ELOVL4: variants seen among roughly 807,000 people sequenced by gnomAD.
The protein encoded by ELOVL4 is very long chain fatty acid elongase 4.
Under a neutral mutation model 42.1 loss-of-function variants are expected in ELOVL4, and 18 were observed. The observed-to-expected ratio is 0.43, with a 90% CI of 0.30 to 0.63. ELOVL4 has a LOEUF of 0.63. Ranked by LOEUF, ELOVL4 falls within the 30% of genes least tolerant of loss-of-function variation. The pLI is 0.15. For missense variants in ELOVL4, 299 were observed against 376.2 expected (o/e 0.79, Z 1.70); for synonymous variants, 117 against 127.0 (o/e 0.92, Z 0.53).
Position 79,916,525 on chromosome 6 carries a change from T to G in ELOVL4, c.*83A>C. 6.4e-7 allele frequency: 1 copy of G among 1,558,480 alleles called. No homozygotes were observed. Among genetic ancestry groups the G allele is most frequent in the Non-Finnish European group, 8.8e-7 (1 of 1,134,456 alleles). ...GTCTTTTCTCCCCACCCCCAAGCTC[T>G]CCTTTGCTTCTGTTTTCCCTGAAAT... On this transcript the variant is annotated 3_prime_UTR_variant, in exon 6 of 6. Transcript: ENST00000369816.
chr6:79,938,615 G>A lies in ELOVL4; in HGVS notation c.100+8565C>T, dbSNP rs148773285. On this transcript the variant is annotated intron_variant, in intron 1 of 5. Coordinates refer to ENST00000369816, the MANE Select transcript of ELOVL4 (RefSeq NM_022726.4). ...TAACCATCTTCTCAGGCTAAATATC[G>A]CATTTTGTATTCTACATATATTCAC... 4.3e-4 allele frequency among the ~76,000 whole-genome samples: 66 copies of A among 152,090 alleles called. No individual in the cohort carries two copies. In the East Asian group the frequency reaches 9.5e-3, roughly 22 times the overall value.
intron 1 of ELOVL4, among the ~76,000 whole-genome samples, chr6:79,927,446 A>G (rs1021006130): frequency 3.9e-5 from 6 of 152,168 alleles, no homozygotes; most frequent in Non-Finnish European, 8.8e-5. Context: ...ATTGTTGATC[A>G]TAATAACTCC....
At chr6:79,941,449 G>A (rs765834154) in intron 1 of ELOVL4, among the ~76,000 whole-genome samples, 17 of 152,142 alleles carry the variant, frequency 1.1e-4, no homozygotes, top group Non-Finnish European at 2.1e-4. Context: ...TATATGTCTT[G>A]GAATCTTCAT....
intron 1 of ELOVL4, among the ~76,000 whole-genome samples, chr6:79,932,638 C>T (rs892949103): frequency 2.0e-5 from 3 of 151,840 alleles, no homozygotes; most frequent in African/African-American, 7.3e-5. Context: ...TGATTTTTAT[C>T]TTAAGATCAC....
chr6:79,925,539 A>T lies in ELOVL4; in HGVS notation c.289-507T>A, dbSNP rs113979671. ...GTTCTCTGGCTTCATACAGAATTTT[A>T]ATGAGTCTCTTAGGAAACAAATTCT... On this transcript the variant is annotated intron_variant, in intron 2 of 5. Coordinates refer to ENST00000369816, the MANE Select transcript of ELOVL4 (RefSeq NM_022726.4). Among the ~76,000 whole-genome samples the T allele has an allele frequency of 4.7e-3, 712 of 152,326 alleles. 9 individuals are homozygous for T. Among genetic ancestry groups the T allele is most frequent in the African/African-American group, 0.016 (677 of 41,578 alleles).
At chr6:79,933,450 T>C (rs1255361954) in intron 1 of ELOVL4, among the ~76,000 whole-genome samples, 1 of 152,082 alleles carries the variant, frequency 6.6e-6, no homozygotes, top group South Asian at 2.1e-4. Flanking sequence ...AGGCTGGCCC[T>C]GAACCCCTGA....
Position 79,916,063 on chromosome 6 carries a change from TTACAACCAAAATTA to T in ELOVL4, c.*531_*544del, listed in dbSNP as rs1205144153. ...AGATCAGCAGATTTTAAAAATTTAA[TTACAACCAAAATTA>T]TACTCTGACTAGAGGTGGAGAGATT... On this transcript the variant is annotated 3_prime_UTR_variant, in exon 6 of 6. Transcript: ENST00000369816. 6.4e-6 allele frequency: 1 copy of T among 155,186 alleles called. No homozygotes were observed. Among genetic ancestry groups the T allele is most frequent in the Non-Finnish European group, 1.4e-5 (1 of 69,758 alleles). The allele number at this position is 155,186 out of a possible 1,614,324, so 9.6% of individuals were successfully genotyped here.
At chr6:79,926,816 T>G (rs934402476) in intron 1 of ELOVL4, among the ~76,000 whole-genome samples, 2 of 152,232 alleles carry the variant, frequency 1.3e-5, no homozygotes, top group African/African-American at 4.8e-5. Flanking sequence ...CAGGCAAGAA[T>G]GTAACTGGAG....
Position 79,916,338 on chromosome 6 carries a change from G to A in ELOVL4, c.*270C>T, listed in dbSNP as rs1035778327. Reference sequence around the variant, plus strand: ...CCTTTAGACAACTGGATGTGAACAGGGGGAGAATCCCCAAAGTCACTTAAT... The same window carrying A: ...CCTTTAGACAACTGGATGTGAACAGAGGGAGAATCCCCAAAGTCACTTAAT... On this transcript the variant is annotated 3_prime_UTR_variant, in exon 6 of 6. Coordinates refer to ENST00000369816, the MANE Select transcript of ELOVL4 (RefSeq NM_022726.4). 2.2e-6 allele frequency: 1 copy of A among 447,876 alleles called. No homozygotes were observed. The highest frequency in any genetic ancestry group is 4.0e-6 in the Non-Finnish European group (1 of 247,828). The allele number at this position is 447,876 out of a possible 1,614,324, so 27.7% of individuals were successfully genotyped here.
intron 1 of ELOVL4, among the ~76,000 whole-genome samples, chr6:79,928,724 T>TG (rs35319455): frequency 1.5e-5 from 2 of 130,394 alleles, no homozygotes; most frequent in Non-Finnish European, 3.2e-5. Flanking sequence ...GACTGGTGAC[T>TG]GGGTTTTTTT....
intron 5 of ELOVL4, among the ~76,000 whole-genome samples, chr6:79,918,246 ATATTT>A (rs1382745917): frequency 2.0e-5 from 3 of 152,206 alleles, no homozygotes; most frequent in Non-Finnish European, 4.4e-5. Flanking sequence ...TCCTTGGCAA[ATATTT>A]TAATTTGAAG....
At chr6:79,935,403 C>T (rs1222292349) in intron 1 of ELOVL4, among the ~76,000 whole-genome samples, 2 of 151,950 alleles carry the variant, frequency 1.3e-5, no homozygotes, top group Admixed American at 6.6e-5. Context: ...ACACCCAAAC[C>T]CCTAGAAGAA....
At chr6:79,919,943 C>G (rs1200877559) in intron 4 of ELOVL4, among the ~76,000 whole-genome samples, 4 of 151,990 alleles carry the variant, frequency 2.6e-5, no homozygotes, top group Non-Finnish European at 5.9e-5. Flanking sequence ...TCTTAGGTTT[C>G]TAAATAGTTT....
intron 1 of ELOVL4, among the ~76,000 whole-genome samples, chr6:79,938,889 G>A (rs1305965485): frequency 6.6e-6 from 1 of 152,166 alleles, no homozygotes; most frequent in Non-Finnish European, 1.5e-5. Flanking sequence ...CTAGTGTGAC[G>A]GGAAGACAAG....
intron 1 of ELOVL4, among the ~76,000 whole-genome samples, chr6:79,944,431 C>T: frequency 6.6e-6 from 1 of 152,160 alleles, no homozygotes; most frequent in East Asian, 1.9e-4. Flanking sequence ...TTCAAAATGT[C>T]TACAAATACA....
chr6:79,941,926 C>A (rs1774653033), intron 1 of ELOVL4, among the ~76,000 whole-genome samples: 1 of 152,096 alleles, frequency 6.6e-6, no homozygotes, highest in Non-Finnish European at 1.5e-5. Flanking sequence ...ACACTAGGGT[C>A]ATAGAAGGAA....
At chr6:79,942,287 G>A (rs1297846423) in intron 1 of ELOVL4, among the ~76,000 whole-genome samples, 1 of 152,028 alleles carries the variant, frequency 6.6e-6, no homozygotes, top group Non-Finnish European at 1.5e-5. Flanking sequence ...TCTCCTTTCT[G>A]AAATCCAAAC....
chr6:79,919,511 A>G lies in ELOVL4; in HGVS notation c.578T>C (p.Val193Ala), dbSNP rs554644219. ...FGAQLNSFIH[V>A]IMYSYYGLTA... ...TAACCCATAGTATGAGTACATAATCACATGGATAAAGGAATTCAACTGGGC... is the reference window on the plus strand; with the variant it reads ...TAACCCATAGTATGAGTACATAATCGCATGGATAAAGGAATTCAACTGGGC... Residue 193 changes from valine (V) to alanine (A), a missense_variant, in exon 5 of 6, where the codon GTG (valine) becomes GCG (alanine). Physicochemically the swap from Val to Ala is moderately conservative, Grantham distance 64 (BLOSUM62 0). Coordinates refer to ENST00000369816, the MANE Select transcript of ELOVL4 (RefSeq NM_022726.4). The G allele has an allele frequency of 3.7e-6, 6 of 1,613,726 alleles. No individual in the cohort carries two copies. The African/African-American group carries it at 8.0e-5, about 22-fold the overall frequency.
In ELOVL4 at chr6:79,915,709, A is replaced by C. The variant is rs1378189549; in HGVS notation, c.*899T>G. 1 of 152,614 alleles carries C rather than the reference A, an allele frequency of 6.6e-6. No individual in the cohort carries two copies. Among genetic ancestry groups the C allele is most frequent in the East Asian group, 1.9e-4 (1 of 5,202 alleles). The allele number at this position is 152,614 out of a possible 1,614,324, so 9.5% of individuals were successfully genotyped here. Reference sequence around the variant, plus strand: ...GAGGTAGGTATATTTCCACATATGAAAAATCAGGAACAGCCATAAATCAAA... The same window carrying C: ...GAGGTAGGTATATTTCCACATATGACAAATCAGGAACAGCCATAAATCAAA... On this transcript the variant is annotated 3_prime_UTR_variant, in exon 6 of 6. Transcript: ENST00000369816.
Sources: gnomAD v4.1 joint callset for allele counts (sites outside exome capture counted in the v4.1 genomes callset) on GRCh38, gnomAD v4.1.1 for gene constraint, MANE v1.5 for transcripts, NCBI Gene and HGNC (gene_info 2026-07-23, HGNC 2026-07-21) for gene names.